Variants in CSDE1 observed in about 807,000 individuals in gnomAD.
The protein encoded by CSDE1 is cold shock domain containing E1.
CSDE1 carries 17 observed loss-of-function variants against 89.3 expected under a neutral mutation model. The observed-to-expected ratio is 0.19, with a 90% CI of 0.13 to 0.29. The LOEUF (loss-of-function observed/expected upper bound fraction) is 0.29. Among genes scored for constraint, CSDE1 ranks in the 10% least tolerant of loss-of-function variants. The pLI, the probability that CSDE1 is intolerant of heterozygous loss-of-function variation, is 1.00. For missense variants in CSDE1, 672 were observed against 984.2 expected (o/e 0.68, Z 4.24); for synonymous variants, 322 against 332.8 (o/e 0.97, Z 0.35).
chr1:114,739,867 GAGA>G lies in CSDE1; in HGVS notation c.21_23del (p.Leu8del). 1.2e-6 allele frequency: 2 copies of G among 1,613,966 alleles called. No individual in the cohort carries two copies. The highest frequency in any genetic ancestry group is 1.3e-5 in the African/African-American group (1 of 75,032). ...GGTACCCATTATGTCCATTGTTGTG[GAGA>G]AGGTTTGGATCAAAGCTCATCTGTT... On this transcript the variant is annotated inframe_deletion, in exon 3 of 20. Coordinates refer to ENST00000358528, the MANE Select transcript of CSDE1 (RefSeq NM_001007553.3).
intron 10 of CSDE1, 49 bp from the exon 11 acceptor site, chr1:114,730,697 C>A: frequency 6.2e-7 from 1 of 1,601,286 alleles, no homozygotes; most frequent in Non-Finnish European, 8.5e-7. Flanking sequence ...GTCAAGAAGG[C>A]AACATTCAAC....
At chr1:114,723,511 G>A (rs1327603571) in intron 16 of CSDE1, among the ~76,000 whole-genome samples, 1 of 152,052 alleles carries the variant, frequency 6.6e-6, no homozygotes, top group Non-Finnish European at 1.5e-5. Context: ...ACTTTTACAG[G>A]AAGCAAAAAT....
At chr1:114,727,459 A>G (rs1038379206) in intron 12 of CSDE1, among the ~76,000 whole-genome samples, 16 of 152,320 alleles carry the variant, frequency 1.1e-4, no homozygotes, top group African/African-American at 2.4e-4. Context: ...AGTATTTCCT[A>G]AAGAAGCTGC....
chr1:114,718,810 G>T, intron 18 of CSDE1, 65 bp from the exon 19 acceptor site: 1 of 1,576,530 alleles, frequency 6.3e-7, no homozygotes, highest in South Asian at 1.2e-5. Context: ...CACTTGCAAA[G>T]GAGTGTGTTT....
intron 2 of CSDE1, among the ~76,000 whole-genome samples, chr1:114,744,582 AACAAAACAACAAAAACAAAC>A (rs1660913355): frequency 6.6e-6 from 1 of 152,108 alleles, no homozygotes; most frequent in Non-Finnish European, 1.5e-5. Flanking sequence ...CAAAAACAAA[AACAAAACAACAAAAACAAAC>A]AAACAAAAAC....
Position 114,756,772 on chromosome 1 carries a change from C to G in CSDE1, c.-388+1153G>C, listed in dbSNP as rs200141348. 3 of 152,372 alleles carry G rather than the reference C, an allele frequency of 2.0e-5. No homozygotes were observed. The East Asian group carries it at 5.8e-4, about 29-fold the overall frequency. 9.4% of individuals were successfully genotyped at this position (152,372 alleles called of 1,614,324 possible). ...TTAAGGTGCAAAACACGAAAATTAA[C>G]TTGCCCAACAACGTTCAGATATTCT... On this transcript the variant is annotated intron_variant, in intron 1 of 19. Coordinates refer to ENST00000358528, the MANE Select transcript of CSDE1 (RefSeq NM_001007553.3).
At chr1:114,731,785 T>C (rs1036365876) in intron 10 of CSDE1, among the ~76,000 whole-genome samples, 1 of 152,218 alleles carries the variant, frequency 6.6e-6, no homozygotes, top group Non-Finnish European at 1.5e-5. Flanking sequence ...ACACAACAAA[T>C]TGTTAAACCT....
intron 12 of CSDE1, chr1:114,727,584 T>A (rs1454810622): frequency 6.6e-6 from 1 of 152,310 alleles, no homozygotes; most frequent in Non-Finnish European, 1.5e-5. Flanking sequence ...ACAGTTCAAG[T>A]ACTTGACATA....
intron 2 of CSDE1, chr1:114,746,894 T>G (rs529447334): frequency 7.9e-5 from 12 of 152,352 alleles, no homozygotes; most frequent in Middle Eastern, 3.4e-3. Context: ...GTTCCTGTCA[T>G]AGGTCTCTAT....
intron 15 of CSDE1, among the ~76,000 whole-genome samples, chr1:114,724,451 C>T (rs1479455560): frequency 6.6e-6 from 1 of 152,094 alleles, no homozygotes; most frequent in East Asian, 1.9e-4. Flanking sequence ...CCCATATTTT[C>T]CACCAAAAAA....
intron 5 of CSDE1, 66 bp from the exon 6 acceptor site, chr1:114,736,921 C>T (rs1660436045): frequency 7.9e-7 from 1 of 1,261,078 alleles, no homozygotes; most frequent in Admixed American, 2.0e-5. Flanking sequence ...CTGTGATTTA[C>T]TTACTTAAAA....
chr1:114,738,273 T>A (rs1264508365), intron 3 of CSDE1, among the ~76,000 whole-genome samples: 1 of 152,108 alleles, frequency 6.6e-6, no homozygotes, highest in African/African-American at 2.4e-5. Context: ...AAAGACAAAC[T>A]CTGGGGATCA....
chr1:114,733,703 A>G, intron 9 of CSDE1, 29 bp downstream of exon 9: 2 of 1,604,546 alleles, frequency 1.2e-6, no homozygotes, highest in South Asian at 2.2e-5. Flanking sequence ...CTGAGGCGAA[A>G]TAGGACTCTC....
chr1:114,732,296 C>T (rs1660148028), intron 10 of CSDE1, among the ~76,000 whole-genome samples: 1 of 152,128 alleles, frequency 6.6e-6, no homozygotes, highest in Non-Finnish European at 1.5e-5. Context: ...GGAAAATCTA[C>T]TTTCTACAAT....
At chr1:114,753,847 T>G (rs1661443168) in intron 1 of CSDE1, among the ~76,000 whole-genome samples, 1 of 152,128 alleles carries the variant, frequency 6.6e-6, no homozygotes, top group African/African-American at 2.4e-5. Context: ...ATCCAGGAGT[T>G]TGAGGCTGCA....
At chr1:114,729,210 T>C (rs896607702) in intron 12 of CSDE1, among the ~76,000 whole-genome samples, 4 of 152,058 alleles carry the variant, frequency 2.6e-5, no homozygotes, top group African/African-American at 4.8e-5. Flanking sequence ...GCCATTCTCC[T>C]GCCTCAGCCT....
At position 114,717,991 on chromosome 1, in the gene CSDE1, CTTAAAT is replaced by C. The variant is rs753894875; in HGVS notation, c.*172_*177del. On this transcript the variant is annotated 3_prime_UTR_variant, in exon 20 of 20. Transcript: ENST00000358528. ...ACTGTGCATTATTTAAAATGGTTTT[CTTAAAT>C]TTATTTATTTTTTTAAACATAACAC... is the stretch of plus-strand genomic sequence containing the variant. 63 of 610,724 alleles carry C rather than the reference CTTAAAT, an allele frequency of 1.0e-4. No homozygotes were observed. Among genetic ancestry groups the C allele is most frequent in the Middle Eastern group, 4.5e-4 (1 of 2,230 alleles). The allele number at this position is 610,724 out of a possible 1,614,324, so 37.8% of individuals were successfully genotyped here.
rs1484307045 is a variant in CSDE1 at position 114,717,236 on chromosome 1, T to C, written c.*933A>G. The C allele has an allele frequency of 1.3e-5, 2 of 152,492 alleles. No individual in the cohort carries two copies. Among genetic ancestry groups the C allele is most frequent in the South Asian group, 2.1e-4 (1 of 4,834 alleles). The allele number at this position is 152,492 out of a possible 1,614,324, so 9.4% of individuals were successfully genotyped here. ...GAAGCTACACCAAGGGTCAAGTGTCTGTATTTTACAGGACACAGTAACCAG... is the reference window on the plus strand; with the variant it reads ...GAAGCTACACCAAGGGTCAAGTGTCCGTATTTTACAGGACACAGTAACCAG... On this transcript the variant is annotated 3_prime_UTR_variant, in exon 20 of 20. Coordinates refer to ENST00000358528, the MANE Select transcript of CSDE1 (RefSeq NM_001007553.3).
At chr1:114,725,898 G>A (rs1053174511) in intron 14 of CSDE1, among the ~76,000 whole-genome samples, 13 of 152,152 alleles carry the variant, frequency 8.5e-5, no homozygotes, top group Admixed American at 7.9e-4. Context: ...AGCCCCCAAA[G>A]TGCTGGGATT....
Sources: allele counts gnomAD v4.1 joint callset (sites outside exome capture counted in the v4.1 genomes callset), GRCh38; gene constraint gnomAD v4.1.1; transcripts MANE v1.5; gene names NCBI Gene and HGNC (gene_info 2026-07-23, HGNC 2026-07-21).